MITF: variants seen among roughly 807,000 people sequenced by gnomAD.
MITF encodes the protein microphthalmia-associated transcription factor.
Under a neutral mutation model 60.5 loss-of-function variants are expected in MITF, and 17 were observed. The ratio of observed to expected loss-of-function variants is 0.28; its 90% confidence interval spans 0.19 to 0.42. The LOEUF (loss-of-function observed/expected upper bound fraction) is 0.42, where lower values mean the gene tolerates loss of function less well. Among genes scored for constraint, MITF ranks in the 10% least tolerant of loss-of-function variants. The pLI is 1.00. For missense variants in MITF, 622 were observed against 683.5 expected, an observed-to-expected ratio of 0.91 and a Z score of 1.00; for synonymous variants, 260 against 248.5, an observed-to-expected ratio of 1.05 and a Z score of -0.43.
intron 1 of MITF, among the ~76,000 whole-genome samples, chr3:69,820,708 C>A (rs1329650371): frequency 6.6e-6 from 1 of 152,074 alleles, no homozygotes; most frequent in African/African-American, 2.4e-5. Flanking sequence ...ATGTGCAGGC[C>A]TTGCAGTCTG....
chr3:69,881,175 C>T (rs1229438880), intron 2 of MITF, among the ~76,000 whole-genome samples: 1 of 152,018 alleles, frequency 6.6e-6, no homozygotes, highest in East Asian at 1.9e-4. Flanking sequence ...TGAGCTACAA[C>T]CCCTAACTTA....
chr3:69,864,276 T>C (rs2107221850), intron 1 of MITF, among the ~76,000 whole-genome samples: 1 of 152,278 alleles, frequency 6.6e-6, no homozygotes, highest in Non-Finnish European at 1.5e-5. Context: ...ATGTTCTTGA[T>C]TTTCATGCCA....
At chr3:69,783,293 C>T (rs1030190731) in intron 1 of MITF, among the ~76,000 whole-genome samples, 1 of 152,032 alleles carries the variant, frequency 6.6e-6, no homozygotes, top group Non-Finnish European at 1.5e-5. Flanking sequence ...CTCTCTTGCC[C>T]ATCTGTACAG....
At chr3:69,868,462 T>C (rs1346099242) in intron 1 of MITF, among the ~76,000 whole-genome samples, 1 of 152,174 alleles carries the variant, frequency 6.6e-6, no homozygotes, top group African/African-American at 2.4e-5. Flanking sequence ...CTCTGCTTTT[T>C]TATCTAGTGG....
intron 1 of MITF, among the ~76,000 whole-genome samples, chr3:69,755,584 C>G (rs990438455): frequency 5.3e-5 from 8 of 151,288 alleles, no homozygotes; most frequent in South Asian, 4.2e-4. Flanking sequence ...CACAATTTCT[C>G]TCCCGAAAAC....
At chr3:69,925,877 C>T (rs895456187) in intron 2 of MITF, among the ~76,000 whole-genome samples, 2 of 152,052 alleles carry the variant, frequency 1.3e-5, no homozygotes, top group African/African-American at 4.8e-5. Flanking sequence ...GCCTTTTTTT[C>T]TCTTTTACTG....
At chr3:69,825,896 AT>A (rs1454495411) in intron 1 of MITF, among the ~76,000 whole-genome samples, 2 of 152,166 alleles carry the variant, frequency 1.3e-5, no homozygotes, top group Non-Finnish European at 2.9e-5. Flanking sequence ...TTAATCTCTA[AT>A]GATTTATTTC....
At chr3:69,924,127 T>A (rs550883496) in intron 2 of MITF, among the ~76,000 whole-genome samples, 62 of 152,328 alleles carry the variant, frequency 4.1e-4, no homozygotes, top group African/African-American at 1.4e-3. Context: ...TTTTAAAAAA[T>A]GTTTCATTTG....
intron 1 of MITF, among the ~76,000 whole-genome samples, chr3:69,760,481 C>T (rs918551998): frequency 1.3e-5 from 2 of 152,170 alleles, no homozygotes; most frequent in African/African-American, 2.4e-5. Flanking sequence ...AGAGTAGCAG[C>T]GTATGGACTG....
intron 1 of MITF, chr3:69,769,463 T>C (rs1159359856): frequency 1.3e-5 from 1 of 75,486 alleles, no homozygotes; most frequent in Non-Finnish European, 2.4e-5. Context: ...GTCGTTGCTA[T>C]GTGATTTCTT....
chr3:69,755,011 T>C (rs1559610536), intron 1 of MITF, among the ~76,000 whole-genome samples: 1 of 152,004 alleles, frequency 6.6e-6, no homozygotes, highest in Non-Finnish European at 1.5e-5. Context: ...GTAATCAGCA[T>C]TAGGATTTTT....
intron 5 of MITF, 128 bp downstream of exon 5, chr3:69,941,459 A>G: frequency 3.1e-6 from 2 of 652,228 alleles, no homozygotes; most frequent in Non-Finnish European, 5.4e-6. Context: ...AAAATGGAGA[A>G]TTATCTCAGG....
chr3:69,751,857 A>G (rs1271692688), intron 1 of MITF, among the ~76,000 whole-genome samples: 2 of 152,128 alleles, frequency 1.3e-5, no homozygotes, highest in Non-Finnish European at 2.9e-5. Context: ...TGATTGGGTC[A>G]TGGAGGCAGT....
At chr3:69,844,915 T>TTA (rs1158766752) in intron 1 of MITF, among the ~76,000 whole-genome samples, 2 of 152,184 alleles carry the variant, frequency 1.3e-5, no homozygotes, top group Non-Finnish European at 2.9e-5. Context: ...AACCATGGGA[T>TTA]TCAATAAAGT....
intron 1 of MITF, among the ~76,000 whole-genome samples, chr3:69,858,175 A>G (rs1435602086): frequency 6.6e-6 from 1 of 152,142 alleles, no homozygotes; most frequent in Non-Finnish European, 1.5e-5. Flanking sequence ...TGAATATTTT[A>G]CTATCAACAT....
intron 2 of MITF, among the ~76,000 whole-genome samples, chr3:69,902,880 A>C (rs1329060459): frequency 6.6e-6 from 1 of 152,092 alleles, no homozygotes; most frequent in Non-Finnish European, 1.5e-5. Flanking sequence ...GCAGAAAAAA[A>C]AACCCAAATA....
chr3:69,895,832 G>GTC (rs1575907034), intron 2 of MITF, among the ~76,000 whole-genome samples: 1 of 151,120 alleles, frequency 6.6e-6, no homozygotes, highest in East Asian at 1.9e-4. Flanking sequence ...GTGTGTGTGT[G>GTC]TGTGTGTGTG....
chr3:69,941,426 C>T lies in MITF; in HGVS notation c.762+95C>T. 9 of 750,164 alleles carry T rather than the reference C, an allele frequency of 1.2e-5. 1 individual carries two copies. The South Asian group carries it at 1.5e-4, about 12-fold the overall frequency. 46.5% of individuals were successfully genotyped at this position (750,164 alleles called of 1,614,324 possible). A position where few individuals can be genotyped will look rare whatever the true frequency, so the allele number is the denominator to read the frequency against. The stretch of plus-strand genomic sequence containing the variant: ...TTTTATTTTATCTTTGTAACTGGTT[C>T]ACTGATTAAATGTATTAATAGTAAA... On this transcript the variant is annotated intron_variant, in intron 5 of 9. Coordinates refer to ENST00000352241, the MANE Select transcript of MITF (RefSeq NM_001354604.2).
In MITF at chr3:69,755,355, T is replaced by C. The variant is rs1286171263; in HGVS notation, c.104+15654T>C. ...CACTTGACTTGGCAGCCTGTTTATA[T>C]AGTTATCTTTATCCAATATAAGCCA... is the stretch of plus-strand genomic sequence containing the variant. On this transcript the variant is annotated intron_variant, in intron 1 of 9. Transcript: ENST00000352241. Among the ~76,000 whole-genome samples the C allele has an allele frequency of 8.6e-5, 13 of 151,772 alleles. No individual in the cohort carries two copies. In the East Asian group the frequency reaches 2.5e-3, roughly 29 times the overall value.
Sources: gnomAD v4.1 joint callset for allele counts (sites outside exome capture counted in the v4.1 genomes callset) on GRCh38, gnomAD v4.1.1 for gene constraint, MANE v1.5 for transcripts, NCBI Gene and HGNC (gene_info 2026-07-23, HGNC 2026-07-21) for gene names.